Variants in ASTN2 observed in about 807,000 individuals in gnomAD.
The protein encoded by ASTN2 is astrotactin 2, also known as astrotactin-2.
A neutral mutation model predicts 139.8 loss-of-function variants in ASTN2; 54 were observed. The ratio of observed to expected loss-of-function variants is 0.39; its 90% confidence interval spans 0.31 to 0.48. ASTN2 has a LOEUF of 0.48. ASTN2 is among the 20% of genes least tolerant of loss of function. The pLI, the probability that ASTN2 is intolerant of heterozygous loss-of-function variation, is 0.95. For synonymous variants in ASTN2, 756 were observed against 719.5 expected (o/e 1.05, Z -0.81); for missense variants, 1,565 against 1,725.1 (o/e 0.91, Z 1.64).
intron 17 of ASTN2, among the ~76,000 whole-genome samples, chr9:116,626,414 AAT>A (rs1856465498): frequency 6.6e-6 from 1 of 151,962 alleles, no homozygotes; most frequent in Admixed American, 6.6e-5. Context: ...CTTATATTTA[AAT>A]ATGTTTTAAA....
chr9:116,909,673 T>A (rs1834260138), intron 10 of ASTN2, among the ~76,000 whole-genome samples: 1 of 152,146 alleles, frequency 6.6e-6, no homozygotes, highest in Admixed American at 6.5e-5. Context: ...CTCTAACACA[T>A]AGAGGTCAGA....
intron 5 of ASTN2, among the ~76,000 whole-genome samples, chr9:117,076,498 T>C (rs1195303737): frequency 2.0e-5 from 3 of 152,148 alleles, no homozygotes; most frequent in African/African-American, 7.2e-5. Context: ...ATTTGAACTT[T>C]ATTATAATGA....
At position 116,502,998 on chromosome 9, in the gene ASTN2, GGGAA is replaced by G. The variant is rs1351472018; in HGVS notation, c.3356-15502_3356-15499del. 8.1e-4 allele frequency among the ~76,000 whole-genome samples: 110 copies of G among 135,318 alleles called. 1 individual carries two copies. The highest frequency in any genetic ancestry group is 2.6e-3 in the African/African-American group (91 of 35,624). 88.8% of individuals were successfully genotyped at this position (135,318 alleles called of 152,430 possible). On this transcript the variant is annotated intron_variant, in intron 19 of 22. Transcript: ENST00000313400. ...AAGGAAGGAGAGAGGGAGGGAGAGA[GGGAA>G]GGAAGGAAGATGAAAGGAAAGAAAA...
chr9:116,706,014 C>T (rs1305608981), intron 16 of ASTN2, among the ~76,000 whole-genome samples: 3 of 151,974 alleles, frequency 2.0e-5, no homozygotes, highest in Non-Finnish European at 4.4e-5. Context: ...ATATGACTTA[C>T]TGCCAACAGT....
chr9:116,732,423 T>C (rs1475328429), intron 14 of ASTN2, among the ~76,000 whole-genome samples: 1 of 152,158 alleles, frequency 6.6e-6, no homozygotes, highest in Non-Finnish European at 1.5e-5. Flanking sequence ...TTGCAAGTGA[T>C]GGGGAAGTCA....
At position 117,096,285 on chromosome 9, in the gene ASTN2, G is replaced by A; in HGVS notation, c.1169-134C>T. On this transcript the variant is annotated intron_variant, in intron 4 of 22. Coordinates refer to ENST00000313400, the MANE Select transcript of ASTN2 (RefSeq NM_001365068.1). ...AATCCCAAGCAACCCAGGAGTCAGTGTGATAAATGGAAGGAGTTCATGCTC... is the reference window on the plus strand; with the variant it reads ...AATCCCAAGCAACCCAGGAGTCAGTATGATAAATGGAAGGAGTTCATGCTC... The A allele has an allele frequency of 4.4e-6, 3 of 676,182 alleles. No homozygotes were observed. In the South Asian group the frequency reaches 5.2e-5, roughly 12 times the overall value. 41.9% of individuals were successfully genotyped at this position (676,182 alleles called of 1,614,324 possible).
chr9:116,641,652 T>C (rs1276376771), intron 17 of ASTN2, among the ~76,000 whole-genome samples: 1 of 152,102 alleles, frequency 6.6e-6, no homozygotes, highest in Non-Finnish European at 1.5e-5. Flanking sequence ...GGAAAAAAAA[T>C]ATTCTCTGAC....
chr9:116,588,686 T>A (rs1425869463), intron 19 of ASTN2, among the ~76,000 whole-genome samples: 1 of 152,158 alleles, frequency 6.6e-6, no homozygotes, highest in African/African-American at 2.4e-5. Context: ...AAATGGTAGT[T>A]TTTTTTCTCT....
chr9:116,925,273 G>A (rs1834722524), intron 10 of ASTN2, among the ~76,000 whole-genome samples: 1 of 152,092 alleles, frequency 6.6e-6, no homozygotes, highest in Non-Finnish European at 1.5e-5. Context: ...TCTCCTATGT[G>A]CTAGGCATTC....
chr9:116,552,646 C>T (rs1457283896), intron 19 of ASTN2, among the ~76,000 whole-genome samples: 9 of 152,194 alleles, frequency 5.9e-5, no homozygotes, highest in Admixed American at 5.2e-4. Flanking sequence ...GGGATTTGAA[C>T]CCTTGATTCC....
chr9:117,276,894 G>C (rs567180542), intron 2 of ASTN2: 5 of 152,358 alleles, frequency 3.3e-5, no homozygotes, highest in Admixed American at 3.3e-4. Context: ...ATGCTTGCCA[G>C]GTGGGATTTT....
At chr9:117,142,170 A>G (rs1830090903) in intron 3 of ASTN2, among the ~76,000 whole-genome samples, 1 of 152,250 alleles carries the variant, frequency 6.6e-6, no homozygotes, top group Middle Eastern at 3.2e-3. Flanking sequence ...GACATCTGGT[A>G]GGCCACATTT....
chr9:117,298,695 C>CATATATATAT (rs1465675701), intron 1 of ASTN2, among the ~76,000 whole-genome samples: 971 of 62,972 alleles, frequency 0.015, 13 homozygotes, highest in Non-Finnish European at 0.021. Context: ...TATATATGTG[C>CATATATATAT]ATATGTATGT....
chr9:117,296,885 C>G (rs768872770), intron 1 of ASTN2, among the ~76,000 whole-genome samples: 1 of 152,156 alleles, frequency 6.6e-6, no homozygotes, highest in Non-Finnish European at 1.5e-5. Context: ...CCTCAACTGC[C>G]CCACAGAAGC....
intron 16 of ASTN2, among the ~76,000 whole-genome samples, chr9:116,659,763 A>G (rs560617647): frequency 1.3e-5 from 2 of 152,310 alleles, no homozygotes; most frequent in South Asian, 4.2e-4. Flanking sequence ...TCACCTGGTC[A>G]GAAATCCCAT....
chr9:117,290,029 G>T (rs912096365), intron 2 of ASTN2, among the ~76,000 whole-genome samples: 4 of 152,184 alleles, frequency 2.6e-5, no homozygotes, highest in African/African-American at 9.7e-5. Flanking sequence ...ACTAAAGGTC[G>T]CTCCGTTGTG....
intron 10 of ASTN2, among the ~76,000 whole-genome samples, chr9:116,934,924 G>T (rs1474259022): frequency 6.6e-6 from 1 of 152,112 alleles, no homozygotes; most frequent in Non-Finnish European, 1.5e-5. Flanking sequence ...CTAGAGTCAG[G>T]TTGTTACGTG....
At chr9:117,201,711 T>C (rs891114504) in intron 3 of ASTN2, among the ~76,000 whole-genome samples, 4 of 152,186 alleles carry the variant, frequency 2.6e-5, no homozygotes, top group African/African-American at 9.7e-5. Flanking sequence ...AGACTGTTTG[T>C]TATGATTTCA....
At chr9:117,188,166 TAGAGAGAGAGAGAG>T (rs150848006) in intron 3 of ASTN2, among the ~76,000 whole-genome samples, 1 of 125,670 alleles carries the variant, frequency 8.0e-6, no homozygotes, top group East Asian at 2.6e-4. Flanking sequence ...GTCTGTGTGA[TAGAGAGAGAGAGAG>T]AGAGAGAGAG....
Sources: gnomAD v4.1 joint callset for allele counts (sites outside exome capture counted in the v4.1 genomes callset) on GRCh38, gnomAD v4.1.1 for gene constraint, MANE v1.5 for transcripts, NCBI Gene and HGNC (gene_info 2026-07-23, HGNC 2026-07-21) for gene names.